The following LSAMP variants were observed in gnomAD, a reference collection of about 807,000 sequenced individuals.
LSAMP encodes the protein limbic system associated membrane protein, also known as limbic system-associated membrane protein.
In LSAMP, 7 loss-of-function variants were observed where a neutral mutation model predicts 38.6. That is an observed-to-expected ratio of 0.18 (90% CI 0.10 to 0.34). The LOEUF is 0.34. LSAMP is among the 10% of genes least tolerant of loss of function. The pLI is 1.00. For missense variants in LSAMP, 313 were observed against 420.0 expected, an observed-to-expected ratio of 0.75 and a Z score of 2.23; for synonymous variants, 154 against 166.8, an observed-to-expected ratio of 0.92 and a Z score of 0.59.
chr3:116,391,181 G>C (rs1320842887), intron 1 of LSAMP, among the ~76,000 whole-genome samples: 1 of 152,112 alleles, frequency 6.6e-6, no homozygotes. Flanking sequence ...AAATCACTTT[G>C]ATAGTACTGA....
chr3:116,322,524 T>G (rs1337378099), intron 1 of LSAMP, among the ~76,000 whole-genome samples: 2 of 152,178 alleles, frequency 1.3e-5, no homozygotes, highest in African/African-American at 2.4e-5. Flanking sequence ...ACCACCCATA[T>G]CTTAACATTG....
chr3:115,950,483 T>C (rs928845418), intron 3 of LSAMP, among the ~76,000 whole-genome samples: 1 of 152,122 alleles, frequency 6.6e-6, no homozygotes, highest in Non-Finnish European at 1.5e-5. Flanking sequence ...AATCAATCTT[T>C]TTTAGAAAAG....
chr3:116,334,001 A>G (rs1398427666), intron 1 of LSAMP, among the ~76,000 whole-genome samples: 1 of 151,872 alleles, frequency 6.6e-6, no homozygotes, highest in Non-Finnish European at 1.5e-5. Context: ...CTTTACCTAT[A>G]TAAGGACTAA....
intron 2 of LSAMP, among the ~76,000 whole-genome samples, chr3:116,062,655 C>A (rs1037051126): frequency 2.6e-5 from 4 of 152,136 alleles, no homozygotes; most frequent in African/African-American, 9.7e-5. Flanking sequence ...CTTCTGCGAG[C>A]TTTTCAGAAA....
chr3:115,901,836 C>T (rs1053381125), intron 3 of LSAMP, among the ~76,000 whole-genome samples: 4 of 152,038 alleles, frequency 2.6e-5, no homozygotes, highest in African/African-American at 9.7e-5. Flanking sequence ...AACATAGATT[C>T]TCTTAAACAC....
At chr3:116,043,132 T>C (rs571129179) in intron 2 of LSAMP, among the ~76,000 whole-genome samples, 4 of 152,334 alleles carry the variant, frequency 2.6e-5, no homozygotes, top group African/African-American at 9.6e-5. Flanking sequence ...TTTACATTCT[T>C]TGAGATGCTG....
At chr3:116,032,638 A>C (rs1487928616) in intron 2 of LSAMP, among the ~76,000 whole-genome samples, 1 of 152,022 alleles carries the variant, frequency 6.6e-6, no homozygotes, top group Admixed American at 6.6e-5. Flanking sequence ...TCTATGAAAA[A>C]TTTATGGAAA....
chr3:116,393,886 A>G (rs1012764711), intron 1 of LSAMP, among the ~76,000 whole-genome samples: 22 of 152,310 alleles, frequency 1.4e-4, no homozygotes, highest in Admixed American at 1.4e-3. Flanking sequence ...AGATGAGATT[A>G]TATATTTACA....
Position 116,305,606 on chromosome 3 carries a change from A to C in LSAMP, c.155+139271T>G, listed in dbSNP as rs990298404. ...ATGAAAAAAATACAGAAAGAAAATA[A>C]ATAACATTGATATGAAAGTGCAAAT... On this transcript the variant is annotated intron_variant, in intron 1 of 6. Transcript: ENST00000490035. 1.7e-4 allele frequency among the ~76,000 whole-genome samples: 26 copies of C among 152,224 alleles called. 1 individual carries two copies. The highest frequency in any genetic ancestry group is 6.3e-4 in the African/African-American group (26 of 41,564).
At chr3:116,088,982 C>T (rs945126415) in intron 1 of LSAMP, among the ~76,000 whole-genome samples, 1 of 152,180 alleles carries the variant, frequency 6.6e-6, no homozygotes, top group Non-Finnish European at 1.5e-5. Flanking sequence ...ATCCCAAGTC[C>T]TATAGCACCC....
intron 3 of LSAMP, among the ~76,000 whole-genome samples, chr3:116,008,621 C>T (rs916885743): frequency 6.6e-6 from 1 of 152,186 alleles, no homozygotes; most frequent in Non-Finnish European, 1.5e-5. Flanking sequence ...GCATTAGATG[C>T]TGTTCTTTCC....
intron 1 of LSAMP, among the ~76,000 whole-genome samples, chr3:116,207,796 C>A (rs1205787926): frequency 5.9e-5 from 9 of 152,168 alleles, no homozygotes; most frequent in African/African-American, 2.2e-4. Flanking sequence ...ATGGGCTTCC[C>A]TTTGAGGGTA....
intron 6 of LSAMP, among the ~76,000 whole-genome samples, chr3:115,817,203 C>T (rs1478757835): frequency 6.6e-6 from 1 of 152,226 alleles, no homozygotes; most frequent in African/African-American, 2.4e-5. Context: ...GAAAGGGACT[C>T]CTCTCATCAT....
At chr3:116,144,127 G>C (rs566171067) in intron 1 of LSAMP, among the ~76,000 whole-genome samples, 1 of 151,928 alleles carries the variant, frequency 6.6e-6, no homozygotes, top group African/African-American at 2.4e-5. Context: ...GACATTTTAT[G>C]TGGTCATTTT....
At chr3:116,342,935 C>A (rs2048016311) in intron 1 of LSAMP, among the ~76,000 whole-genome samples, 1 of 152,010 alleles carries the variant, frequency 6.6e-6, no homozygotes. Context: ...TTGATGGATT[C>A]TTTCCAAAGT....
chr3:115,893,261 C>T (rs1160366713), intron 3 of LSAMP, among the ~76,000 whole-genome samples: 5 of 151,966 alleles, frequency 3.3e-5, no homozygotes, highest in Non-Finnish European at 5.9e-5. Context: ...CAAACCTACA[C>T]GTTCTGCACA....
At chr3:116,268,145 T>A (rs1458125043) in intron 1 of LSAMP, among the ~76,000 whole-genome samples, 2 of 152,032 alleles carry the variant, frequency 1.3e-5, no homozygotes, top group Non-Finnish European at 2.9e-5. Flanking sequence ...CTAAATCTAA[T>A]CCTAACACAT....
At chr3:115,872,804 A>G (rs1440770594) in intron 3 of LSAMP, among the ~76,000 whole-genome samples, 1 of 152,182 alleles carries the variant, frequency 6.6e-6, no homozygotes, top group African/African-American at 2.4e-5. Flanking sequence ...CTGGTCTAAG[A>G]TCACACAGGT....
intron 1 of LSAMP, among the ~76,000 whole-genome samples, chr3:116,436,542 A>G (rs2049351295): frequency 6.6e-6 from 1 of 152,316 alleles, no homozygotes; most frequent in African/African-American, 2.4e-5. Flanking sequence ...ATGTGAATAG[A>G]CAATTCTCAA....
Sources: allele counts gnomAD v4.1 joint callset (sites outside exome capture counted in the v4.1 genomes callset), GRCh38; gene constraint gnomAD v4.1.1; transcripts MANE v1.5; gene names NCBI Gene and HGNC (gene_info 2026-07-23, HGNC 2026-07-21).